The following DNMBP variants were observed in gnomAD, a reference collection of about 807,000 sequenced individuals.
DNMBP encodes the protein dynamin-binding protein.
A neutral mutation model predicts 150.0 loss-of-function variants in DNMBP; 87 were observed. The ratio of observed to expected loss-of-function variants is 0.58; its 90% CI spans 0.49 to 0.69. The LOEUF is 0.69. Ranked by LOEUF, DNMBP falls within the 30% of genes least tolerant of loss-of-function variation. DNMBP has a pLI of 0.00. For missense variants in DNMBP, 1,774 were observed against 1,949.0 expected (o/e 0.91, Z 1.69); for synonymous variants, 711 against 750.4 (o/e 0.95, Z 0.86).
chr10:99,974,807 T>C (rs2040711569), intron 1 of DNMBP, among the ~76,000 whole-genome samples: 1 of 151,060 alleles, frequency 6.6e-6, no homozygotes, highest in African/African-American at 2.4e-5. Context: ...CAGGGTCCTA[T>C]TCTGAGGCCC....
At chr10:99,970,071 T>C (rs576368919) in intron 2 of DNMBP, among the ~76,000 whole-genome samples, 1 of 152,326 alleles carries the variant, frequency 6.6e-6, no homozygotes, top group East Asian at 1.9e-4. Flanking sequence ...TCACACCTCA[T>C]GCCCTACTAA....
rs546015708 is a variant in DNMBP at position 99,875,639 on chromosome 10, C to T, written c.*1512G>A. The T allele has an allele frequency of 6.6e-6, 1 of 152,300 alleles. No individual in the cohort carries two copies. The highest frequency in any genetic ancestry group is 1.5e-5 in the Non-Finnish European group (1 of 68,024). 9.4% of individuals were successfully genotyped at this position (152,300 alleles called of 1,614,324 possible). A position where few individuals can be genotyped will look rare whatever the true frequency, so the allele number is the denominator to read the frequency against. On this transcript the variant is annotated 3_prime_UTR_variant, in exon 17 of 17. Transcript: ENST00000324109. ...AAATATAAACATCTCTACATAGAAA[C>T]ACTCTTCACAAAAGGACTCTTGCAT... is the stretch of plus-strand genomic sequence containing the variant.
intron 1 of DNMBP, among the ~76,000 whole-genome samples, chr10:100,005,772 A>AC (rs2041062780): frequency 2.4e-5 from 3 of 126,188 alleles, no homozygotes; most frequent in African/African-American, 9.8e-5. Context: ...TCCAAAAAAA[A>AC]AAAAAAAAAA....
intron 4 of DNMBP, among the ~76,000 whole-genome samples, chr10:99,922,621 A>G (rs2040036900): frequency 6.8e-6 from 1 of 147,610 alleles, no homozygotes; most frequent in Non-Finnish European, 1.5e-5. Flanking sequence ...GGCTCAAGCA[A>G]TCTTAACCAC....
At chr10:99,988,668 A>T (rs952815976) in intron 1 of DNMBP, among the ~76,000 whole-genome samples, 27 of 151,632 alleles carry the variant, frequency 1.8e-4, no homozygotes, top group African/African-American at 6.5e-4. Context: ...TTATTTATTT[A>T]TTTATTTATT....
At chr10:99,971,859 TC>T (rs371578221) in intron 2 of DNMBP, 120 bp downstream of exon 2, 5 of 925,222 alleles carry the variant, frequency 5.4e-6, no homozygotes, top group East Asian at 2.6e-5. Flanking sequence ...TTTCTTTCTT[TC>T]TTTTTTTTTT....
intron 8 of DNMBP, 65 bp downstream of exon 8, chr10:99,898,678 A>G: frequency 6.4e-7 from 1 of 1,555,794 alleles, no homozygotes; most frequent in South Asian, 1.1e-5. Flanking sequence ...ACAGTTGCTT[A>G]AGAGTTAGTT....
chr10:99,930,971 T>A (rs1480917433), intron 4 of DNMBP: 2 of 470,938 alleles, frequency 4.2e-6, no homozygotes, highest in African/African-American at 4.0e-5. Flanking sequence ...AGCTACTCTA[T>A]CTTTCTCCAG....
chr10:99,894,591 C>T (rs777726356), intron 11 of DNMBP, among the ~76,000 whole-genome samples: 1 of 152,186 alleles, frequency 6.6e-6, no homozygotes, highest in Non-Finnish European at 1.5e-5. Flanking sequence ...TTCTCGTTTA[C>T]GTTTCCTGTT....
intron 15 of DNMBP, among the ~76,000 whole-genome samples, chr10:99,883,373 T>C (rs996023330): frequency 6.6e-6 from 1 of 152,066 alleles, no homozygotes; most frequent in Admixed American, 6.5e-5. Context: ...TCATGGAAAC[T>C]GGAAGAGGTG....
intron 4 of DNMBP, among the ~76,000 whole-genome samples, chr10:99,919,102 C>A (rs1278673757): frequency 6.6e-6 from 1 of 152,176 alleles, no homozygotes; most frequent in Non-Finnish European, 1.5e-5. Flanking sequence ...GGTAATAGTG[C>A]TCACGTTTTA....
chr10:99,879,087 A>AAAAAAAAAAAC (rs2039321138), intron 16 of DNMBP, among the ~76,000 whole-genome samples: 1 of 149,400 alleles, frequency 6.7e-6, no homozygotes, highest in Non-Finnish European at 1.5e-5. Flanking sequence ...TCTGTCTCAA[A>AAAAAAAAAAAC]AAAAAAAAAA....
intron 4 of DNMBP, among the ~76,000 whole-genome samples, chr10:99,945,214 C>T (rs1404783260): frequency 6.6e-6 from 1 of 152,012 alleles, no homozygotes; most frequent in Admixed American, 6.6e-5. Context: ...CTCTAGGAAA[C>T]AAGAGAAGGT....
Position 99,920,888 on chromosome 10 carries a change from C to G in DNMBP, c.2261-11742G>C, listed in dbSNP as rs187684458. On this transcript the variant is annotated intron_variant, in intron 4 of 16. Coordinates refer to ENST00000324109, the MANE Select transcript of DNMBP (RefSeq NM_015221.4). Reference sequence around the variant, plus strand: ...AGAGATGGGGTCTCACTATGTTGCTCAGGCTGGGCTCCAACTCGTGAGCTC... The same window carrying G: ...AGAGATGGGGTCTCACTATGTTGCTGAGGCTGGGCTCCAACTCGTGAGCTC... 1.6e-3 allele frequency among the ~76,000 whole-genome samples: 242 copies of G among 152,218 alleles called. 1 individual carries two copies. In the Middle Eastern group the frequency reaches 0.02, roughly 13 times the overall value.
intron 15 of DNMBP, among the ~76,000 whole-genome samples, chr10:99,882,063 A>G (rs1399106594): frequency 6.6e-6 from 1 of 152,200 alleles, no homozygotes; most frequent in Admixed American, 6.5e-5. Flanking sequence ...AGATCCTGTC[A>G]TTTGCGGCCA....
chr10:99,898,626 A>T, intron 8 of DNMBP, 117 bp downstream of exon 8: 1 of 1,105,182 alleles, frequency 9.0e-7, no homozygotes, highest in South Asian at 1.3e-5. Context: ...AAAACCCAGC[A>T]AGGTGAGTCT....
intron 15 of DNMBP, among the ~76,000 whole-genome samples, chr10:99,880,650 G>A (rs2039352768): frequency 6.6e-6 from 1 of 152,168 alleles, no homozygotes; most frequent in African/African-American, 2.4e-5. Flanking sequence ...GCATGCTCAG[G>A]AGGCCCATGG....
intron 16 of DNMBP, among the ~76,000 whole-genome samples, chr10:99,878,546 C>G (rs2039310865): frequency 2.6e-5 from 4 of 152,172 alleles, no homozygotes. Context: ...CGAGCATGCA[C>G]AAAGCTCGGC....
intron 12 of DNMBP, among the ~76,000 whole-genome samples, 181 bp downstream of exon 12, chr10:99,888,644 C>T (rs750315119): frequency 3.3e-5 from 5 of 152,210 alleles, no homozygotes; most frequent in Admixed American, 6.5e-5. Context: ...ACAGGTCCTA[C>T]ATCTCCCTTT....
Sources: gnomAD v4.1 joint callset for allele counts (sites outside exome capture counted in the v4.1 genomes callset) on GRCh38, gnomAD v4.1.1 for gene constraint, MANE v1.5 for transcripts, NCBI Gene and HGNC (gene_info 2026-07-23, HGNC 2026-07-21) for gene names.